Variants in GNAQ observed in about 807,000 individuals in gnomAD.
The protein encoded by GNAQ is guanine nucleotide-binding protein G(q) subunit alpha.
GNAQ carries 8 observed loss-of-function variants against 43.9 expected under a neutral mutation model. The observed-to-expected ratio is 0.18, with a 90% CI of 0.11 to 0.33. The LOEUF is 0.33. Among genes scored for constraint, GNAQ ranks in the 10% least tolerant of loss-of-function variants. The pLI, the probability that GNAQ is intolerant of heterozygous loss-of-function variation, is 1.00. For synonymous variants in GNAQ, 155 were observed against 170.7 expected, an observed-to-expected ratio of 0.91 and a Z score of 0.71; for missense variants, 158 against 450.8, an observed-to-expected ratio of 0.35 and a Z score of 5.88.
chr9:77,990,693 G>C (rs1377337977), intron 1 of GNAQ, among the ~76,000 whole-genome samples: 1 of 152,194 alleles, frequency 6.6e-6, no homozygotes, highest in African/African-American at 2.4e-5. Context: ...AATGTTATCA[G>C]AGACAATAGC....
intron 2 of GNAQ, among the ~76,000 whole-genome samples, chr9:77,841,463 G>C (rs1218453614): frequency 7.2e-5 from 11 of 152,108 alleles, no homozygotes; most frequent in Non-Finnish European, 2.9e-5. Flanking sequence ...TCAGTATTCG[G>C]CAATTTTCTC....
At chr9:78,001,192 G>T (rs1823639488) in intron 1 of GNAQ, among the ~76,000 whole-genome samples, 1 of 152,090 alleles carries the variant, frequency 6.6e-6, no homozygotes, top group South Asian at 2.1e-4. Flanking sequence ...GAGGTCAGGA[G>T]TTAGAGACCA....
At chr9:77,737,414 A>G (rs889428017) in intron 5 of GNAQ, among the ~76,000 whole-genome samples, 1 of 152,232 alleles carries the variant, frequency 6.6e-6, no homozygotes, top group Admixed American at 6.5e-5. Context: ...CTGGTGTAAC[A>G]GGCATTCCTT....
chr9:77,734,294 A>G (rs1825539274), intron 5 of GNAQ, among the ~76,000 whole-genome samples: 1 of 152,222 alleles, frequency 6.6e-6, no homozygotes, highest in African/African-American at 2.4e-5. Flanking sequence ...TTCTTAGCAA[A>G]GACAAATTTA....
At chr9:77,822,532 T>C (rs1380361176) in intron 2 of GNAQ, among the ~76,000 whole-genome samples, 1 of 151,812 alleles carries the variant, frequency 6.6e-6, no homozygotes, top group Non-Finnish European at 1.5e-5. Flanking sequence ...TTTTATTTTA[T>C]TTGACAACAG....
At chr9:77,955,928 T>A (rs1210529018) in intron 1 of GNAQ, among the ~76,000 whole-genome samples, 1 of 152,196 alleles carries the variant, frequency 6.6e-6, no homozygotes, top group Non-Finnish European at 1.5e-5. Flanking sequence ...AGGTGATGTT[T>A]CTCTTCCGAT....
chr9:77,733,332 C>T (rs1825525006), intron 5 of GNAQ, among the ~76,000 whole-genome samples: 1 of 152,194 alleles, frequency 6.6e-6, no homozygotes, highest in South Asian at 2.1e-4. Context: ...CTTTTTAATG[C>T]ATTTCCCTGT....
chr9:77,802,818 G>C (rs1026085085), intron 3 of GNAQ, among the ~76,000 whole-genome samples: 1 of 152,168 alleles, frequency 6.6e-6, no homozygotes, highest in African/African-American at 2.4e-5. Flanking sequence ...AGCTATTCAT[G>C]TTAGAAAATG....
intron 3 of GNAQ, among the ~76,000 whole-genome samples, chr9:77,810,890 T>C (rs535274324): frequency 2.0e-5 from 3 of 152,340 alleles, no homozygotes; most frequent in African/African-American, 7.2e-5. Context: ...GTTACTGGTG[T>C]TGGGCAAGGC....
intron 5 of GNAQ, among the ~76,000 whole-genome samples, chr9:77,742,521 G>C (rs1284156559): frequency 6.6e-6 from 1 of 151,672 alleles, no homozygotes; most frequent in Non-Finnish European, 1.5e-5. Flanking sequence ...TTTAAATAAA[G>C]TGTTTTAAAA....
At chr9:77,866,295 T>G (rs1179296062) in intron 2 of GNAQ, among the ~76,000 whole-genome samples, 1 of 152,110 alleles carries the variant, frequency 6.6e-6, no homozygotes. Context: ...CTGGCCAACA[T>G]GGTGAAGCCC....
chr9:77,816,117 G>A (rs1285971213), intron 2 of GNAQ, among the ~76,000 whole-genome samples: 3 of 152,080 alleles, frequency 2.0e-5, no homozygotes, highest in Non-Finnish European at 4.4e-5. Context: ...TAAAAGAAAA[G>A]GAGGCAGGAG....
chr9:77,930,445 T>C (rs1189239474), intron 1 of GNAQ, among the ~76,000 whole-genome samples: 2 of 152,234 alleles, frequency 1.3e-5, no homozygotes, highest in Non-Finnish European at 2.9e-5. Context: ...CAATTTGTCA[T>C]TTTATTTTCA....
intron 6 of GNAQ, among the ~76,000 whole-genome samples, chr9:77,725,150 GAA>G (rs1228468557): frequency 6.6e-6 from 1 of 151,498 alleles, no homozygotes; most frequent in African/African-American, 2.4e-5. Context: ...AAGTGTACTT[GAA>G]AAGTGTTATG....
chr9:77,730,700 C>G (rs550549344), intron 5 of GNAQ, among the ~76,000 whole-genome samples: 1 of 152,212 alleles, frequency 6.6e-6, no homozygotes, highest in Non-Finnish European at 1.5e-5. Flanking sequence ...GCATACATTT[C>G]TCTTTTATAT....
chr9:77,808,670 A>C (rs1241896545), intron 3 of GNAQ, among the ~76,000 whole-genome samples: 1 of 152,126 alleles, frequency 6.6e-6, no homozygotes, highest in Non-Finnish European at 1.5e-5. Flanking sequence ...CTCCAACAGA[A>C]TCAAAGGACT....
intron 5 of GNAQ, among the ~76,000 whole-genome samples, chr9:77,759,839 A>G (rs902432002): frequency 6.6e-6 from 1 of 152,002 alleles, no homozygotes; most frequent in African/African-American, 2.4e-5. Flanking sequence ...ACTGGAGTAG[A>G]CTACAGTATA....
At chr9:77,924,659 T>A (rs902505027) in intron 1 of GNAQ, among the ~76,000 whole-genome samples, 11 of 152,136 alleles carry the variant, frequency 7.2e-5, no homozygotes, top group Non-Finnish European at 1.6e-4. Flanking sequence ...CTTCTTTGGA[T>A]CTAGTCACCA....
chr9:77,875,324 A>G (rs1226889761), intron 2 of GNAQ, among the ~76,000 whole-genome samples: 1 of 152,236 alleles, frequency 6.6e-6, no homozygotes. Flanking sequence ...CATCTTTGCC[A>G]CTGGAATAAG....
Sources: allele counts gnomAD v4.1 joint callset (sites outside exome capture counted in the v4.1 genomes callset), GRCh38; gene constraint gnomAD v4.1.1; transcripts MANE v1.5; gene names NCBI Gene and HGNC (gene_info 2026-07-23, HGNC 2026-07-21).